Variants in ASIC2 observed in about 807,000 individuals in gnomAD.
The protein encoded by ASIC2 is acid sensing ion channel subunit 2, also known as acid-sensing ion channel 2.
In ASIC2, 25 loss-of-function variants were observed where a neutral mutation model predicts 57.3. The observed-to-expected ratio is 0.44, with a 90% CI of 0.32 to 0.61. ASIC2 has a LOEUF of 0.61. Ranked by LOEUF, ASIC2 falls within the 20% of genes least tolerant of loss-of-function variation. The pLI, the probability that ASIC2 is intolerant of heterozygous loss-of-function variation, is 0.06. For missense variants in ASIC2, 641 were observed against 738.1 expected, an observed-to-expected ratio of 0.87 and a Z score of 1.52; for synonymous variants, 319 against 307.5, an observed-to-expected ratio of 1.04 and a Z score of -0.39.
chr17:33,708,466 G>GGA, intron 1 of ASIC2, among the ~76,000 whole-genome samples: 1 of 152,134 alleles, frequency 6.6e-6, no homozygotes, highest in African/African-American at 2.4e-5. Context: ...GTGGGATCTT[G>GGA]GAGCAGAACA....
At chr17:33,268,353 CCA>C (rs1909554859) in intron 1 of ASIC2, among the ~76,000 whole-genome samples, 1 of 124,772 alleles carries the variant, frequency 8.0e-6, no homozygotes, top group Non-Finnish European at 1.7e-5. Context: ...ATCCATCCAT[CCA>C]TCCATCCATC....
chr17:33,049,153 T>A (rs1028257620), intron 3 of ASIC2, among the ~76,000 whole-genome samples: 5 of 152,210 alleles, frequency 3.3e-5, no homozygotes, highest in Admixed American at 1.3e-4. Flanking sequence ...GAGACAGCAG[T>A]ACGGCCCCAC....
intron 1 of ASIC2, among the ~76,000 whole-genome samples, chr17:33,340,863 T>C (rs890397080): frequency 1.4e-4 from 21 of 152,006 alleles, no homozygotes; most frequent in Admixed American, 9.2e-4. Flanking sequence ...GTGTCCAGGG[T>C]GCATCATTTA....
At chr17:33,962,649 T>A (rs930949326) in intron 1 of ASIC2, among the ~76,000 whole-genome samples, 4 of 152,142 alleles carry the variant, frequency 2.6e-5, no homozygotes, top group Non-Finnish European at 5.9e-5. Flanking sequence ...CTCAGCTGAC[T>A]CCACCTCAAA....
At chr17:33,436,911 G>C (rs1359624602) in intron 1 of ASIC2, among the ~76,000 whole-genome samples, 2 of 127,202 alleles carry the variant, frequency 1.6e-5, no homozygotes, top group Non-Finnish European at 3.1e-5. Context: ...TGTCGCCCAG[G>C]CTGGAGTGCA....
chr17:33,660,688 G>A (rs1907229086), intron 1 of ASIC2, among the ~76,000 whole-genome samples: 1 of 152,156 alleles, frequency 6.6e-6, no homozygotes, highest in African/African-American at 2.4e-5. Flanking sequence ...CACCAGCATC[G>A]TCACAAACAT....
At chr17:33,640,693 G>A (rs572072297) in intron 1 of ASIC2, among the ~76,000 whole-genome samples, 1 of 152,316 alleles carries the variant, frequency 6.6e-6, no homozygotes, top group African/African-American at 2.4e-5. Flanking sequence ...GCGTGTCAAT[G>A]TTAGTTATTT....
chr17:33,121,052 G>A (rs557974967), intron 1 of ASIC2, among the ~76,000 whole-genome samples: 1 of 152,314 alleles, frequency 6.6e-6, no homozygotes, highest in African/African-American at 2.4e-5. Context: ...GATCAAAAGG[G>A]GTATAATGGG....
At chr17:33,115,212 G>C (rs1445893304) in intron 1 of ASIC2, among the ~76,000 whole-genome samples, 5 of 152,196 alleles carry the variant, frequency 3.3e-5, no homozygotes, top group Non-Finnish European at 7.3e-5. Flanking sequence ...AAACGTGCCA[G>C]GTGTGAGCTG....
At chr17:33,907,418 A>G (rs1041304181) in intron 1 of ASIC2, among the ~76,000 whole-genome samples, 14 of 152,320 alleles carry the variant, frequency 9.2e-5, no homozygotes, top group East Asian at 1.9e-4. Flanking sequence ...ATTGCCATCA[A>G]TGGTGCTCCA....
intron 1 of ASIC2, among the ~76,000 whole-genome samples, chr17:33,349,675 T>C (rs1249824657): frequency 6.6e-6 from 1 of 152,200 alleles, no homozygotes; most frequent in African/African-American, 2.4e-5. Flanking sequence ...CCATGAAATA[T>C]TGACATATTT....
At chr17:33,244,354 G>A in intron 1 of ASIC2, among the ~76,000 whole-genome samples, 1 of 149,286 alleles carries the variant, frequency 6.7e-6, no homozygotes, top group East Asian at 1.9e-4. Flanking sequence ...TGGAAAATGA[G>A]GCCTCTAGGA....
chr17:33,581,928 A>T (rs118082157), intron 1 of ASIC2, among the ~76,000 whole-genome samples: 1 of 152,292 alleles, frequency 6.6e-6, no homozygotes, highest in Non-Finnish European at 1.5e-5. Flanking sequence ...CCGTAGACCC[A>T]GGTGCTATCC....
intron 1 of ASIC2, among the ~76,000 whole-genome samples, chr17:34,011,811 C>T (rs1398501647): frequency 2.0e-5 from 3 of 152,152 alleles, no homozygotes. Flanking sequence ...TGACACCACT[C>T]ACCCCACTCC....
intron 1 of ASIC2, among the ~76,000 whole-genome samples, chr17:33,611,869 T>C (rs1314247895): frequency 6.6e-6 from 1 of 152,190 alleles, no homozygotes; most frequent in Admixed American, 6.5e-5. Context: ...TAGTTTGAGT[T>C]CTTACTATAA....
chr17:33,416,672 C>T (rs1021762419), intron 1 of ASIC2, among the ~76,000 whole-genome samples: 4 of 152,196 alleles, frequency 2.6e-5, no homozygotes, highest in Admixed American at 6.5e-5. Context: ...TGGGGGCACC[C>T]CTCATTCATC....
chr17:34,019,727 T>C (rs1247794377), intron 1 of ASIC2, among the ~76,000 whole-genome samples: 1 of 152,242 alleles, frequency 6.6e-6, no homozygotes, highest in East Asian at 1.9e-4. Flanking sequence ...CGACTCACTT[T>C]ATTGTGACAT....
In ASIC2 at chr17:33,717,768, T is replaced by A. The variant is rs1373001572; in HGVS notation, c.555+438210A>T. On this transcript the variant is annotated intron_variant, in intron 1 of 9. Transcript: ENST00000359872. ...TGGATCTCCCTGTAACTCAGGGGCC[T>A]CCTCTCTAGGATGTGGGTAATTTCT... Among the ~76,000 whole-genome samples the A allele has an allele frequency of 2.0e-5, 3 of 152,284 alleles. No individual in the cohort carries two copies. In the East Asian group the frequency reaches 5.8e-4, roughly 29 times the overall value.
chr17:33,966,537 T>C (rs945505478), intron 1 of ASIC2, among the ~76,000 whole-genome samples: 11 of 152,168 alleles, frequency 7.2e-5, no homozygotes, highest in African/African-American at 2.2e-4. Context: ...ACTAAAAAGA[T>C]CCAAGAATCA....
Sources: gnomAD v4.1 joint callset for allele counts (sites outside exome capture counted in the v4.1 genomes callset) on GRCh38, gnomAD v4.1.1 for gene constraint, MANE v1.5 for transcripts, NCBI Gene and HGNC (gene_info 2026-07-23, HGNC 2026-07-21) for gene names.